STK32B: variants seen among roughly 807,000 people sequenced by gnomAD.
The protein encoded by STK32B is serine/threonine-protein kinase 32B.
STK32B carries 43 observed loss-of-function variants against 52.6 expected under a neutral mutation model. That is an observed-to-expected ratio of 0.82 (90% CI 0.64 to 1.05). The LOEUF (loss-of-function observed/expected upper bound fraction) is 1.05. Among genes scored for constraint, STK32B ranks in the 50% least tolerant of loss-of-function variants. STK32B has a pLI of 0.00. For synonymous variants in STK32B, 238 were observed against 204.3 expected, an observed-to-expected ratio of 1.17 and a Z score of -1.41; for missense variants, 621 against 534.6, an observed-to-expected ratio of 1.16 and a Z score of -1.59.
chr4:5,431,094 G>A (rs980252336), intron 6 of STK32B, among the ~76,000 whole-genome samples: 1 of 152,196 alleles, frequency 6.6e-6, no homozygotes, highest in Non-Finnish European at 1.5e-5. Context: ...ACCACTAATG[G>A]TCTGATCCCA....
intron 4 of STK32B, among the ~76,000 whole-genome samples, chr4:5,349,349 A>C (rs967178682): frequency 2.0e-5 from 3 of 152,182 alleles, no homozygotes; most frequent in African/African-American, 7.2e-5. Context: ...ATACTAAGCC[A>C]CCAAGGAAAC....
intron 4 of STK32B, among the ~76,000 whole-genome samples, chr4:5,332,228 G>C (rs1480547011): frequency 6.6e-6 from 1 of 152,196 alleles, no homozygotes; most frequent in Middle Eastern, 3.2e-3. Context: ...AAGTGATAAA[G>C]TTATGAAGAT....
intron 1 of STK32B, among the ~76,000 whole-genome samples, chr4:5,074,435 T>G (rs1305085931): frequency 3.9e-5 from 6 of 152,088 alleles, no homozygotes; most frequent in African/African-American, 1.4e-4. Flanking sequence ...TGTATTTATT[T>G]TTTTCCTACA....
intron 3 of STK32B, among the ~76,000 whole-genome samples, chr4:5,228,159 CACAT>C (rs1184557801): frequency 6.6e-6 from 1 of 152,120 alleles, no homozygotes; most frequent in African/African-American, 2.4e-5. Flanking sequence ...GCAAGATATT[CACAT>C]AAAAGGTCAT....
At chr4:5,023,772 C>T in the STK32B span, among the ~76,000 whole-genome samples, 1 of 152,178 alleles carries the variant, frequency 6.6e-6, no homozygotes, top group Non-Finnish European at 1.5e-5. Context: ...GTGGCCATTT[C>T]TAAAGCAGAA....
At chr4:5,084,517 A>G (rs1712611231) in intron 1 of STK32B, among the ~76,000 whole-genome samples, 1 of 152,236 alleles carries the variant, frequency 6.6e-6, no homozygotes. Flanking sequence ...TATAATAAAA[A>G]TATTTATGGC....
chr4:5,178,448 C>T (rs975322501), intron 3 of STK32B, among the ~76,000 whole-genome samples: 1 of 152,212 alleles, frequency 6.6e-6, no homozygotes, highest in African/African-American at 2.4e-5. Context: ...AGGTCTCTGA[C>T]ATGTCCTGGA....
At chr4:5,087,517 A>C (rs1712798153) in intron 1 of STK32B, among the ~76,000 whole-genome samples, 1 of 152,054 alleles carries the variant, frequency 6.6e-6, no homozygotes. Flanking sequence ...AGAATGGATA[A>C]AAAACAGCTA....
chr4:5,333,131 A>G (rs1396290067), intron 4 of STK32B, among the ~76,000 whole-genome samples: 1 of 151,782 alleles, frequency 6.6e-6, no homozygotes, highest in Non-Finnish European at 1.5e-5. Flanking sequence ...AAGTGTTCCT[A>G]TTTCTCCACA....
At chr4:5,357,943 A>G (rs1397336727) in intron 4 of STK32B, among the ~76,000 whole-genome samples, 1 of 152,150 alleles carries the variant, frequency 6.6e-6, no homozygotes, top group African/African-American at 2.4e-5. Flanking sequence ...ATCAACTAGA[A>G]AGAAGTATTC....
At chr4:5,036,993 C>T in the STK32B span, among the ~76,000 whole-genome samples, 6 of 152,126 alleles carry the variant, frequency 3.9e-5, no homozygotes, top group African/African-American at 1.4e-4. Context: ...TTGCACACAA[C>T]AGCTCTCTGG....
At chr4:5,406,040 C>T (rs1297250477) in intron 5 of STK32B, among the ~76,000 whole-genome samples, 1 of 152,164 alleles carries the variant, frequency 6.6e-6, no homozygotes, top group Admixed American at 6.5e-5. Flanking sequence ...AAATCAAAAA[C>T]AAGTTAGTTA....
intron 3 of STK32B, among the ~76,000 whole-genome samples, chr4:5,269,144 T>A (rs970445102): frequency 1.3e-5 from 2 of 152,082 alleles, no homozygotes; most frequent in African/African-American, 4.8e-5. Flanking sequence ...TCGAGAGATA[T>A]GAAGAGGGCT....
In STK32B at chr4:5,374,733, C is replaced by G. The variant is rs567092366; in HGVS notation, c.435-23474C>G. On this transcript the variant is annotated intron_variant, in intron 4 of 11. Transcript: ENST00000282908. ...TCTCCTAAAGGTTCCACCTCTTATA[C>G]TATTGCATTGAGGCTCATGTTTCAA... Among the ~76,000 whole-genome samples the G allele has an allele frequency of 3.4e-5, 5 of 147,620 alleles. No individual in the cohort carries two copies. The East Asian group carries it at 1.0e-3, about 30-fold the overall frequency.
intron 3 of STK32B, among the ~76,000 whole-genome samples, chr4:5,184,367 A>G (rs1021944404): frequency 3.9e-5 from 6 of 152,136 alleles, no homozygotes; most frequent in African/African-American, 1.4e-4. Flanking sequence ...TATTGATTAC[A>G]TTTACCTTCT....
At chr4:5,266,723 C>G (rs1175042826) in intron 3 of STK32B, among the ~76,000 whole-genome samples, 1 of 152,134 alleles carries the variant, frequency 6.6e-6, no homozygotes. Flanking sequence ...GGGTGGGGGT[C>G]CTTTCTTTTC....
intron 1 of STK32B, among the ~76,000 whole-genome samples, chr4:5,063,481 T>G (rs1011055930): frequency 5.3e-5 from 8 of 152,110 alleles, no homozygotes; most frequent in Non-Finnish European, 8.8e-5. Flanking sequence ...TAGCTGGGAC[T>G]ACAGGTGCCC....
rs1391174447 is a variant in STK32B at position 5,386,455 on chromosome 4, G to A, written c.435-11752G>A. ...TTGATGGTCCAAGAGCACTGGCCAT[G>A]GAGAAAGATTGATCCAGACCTGAGC... On this transcript the variant is annotated intron_variant, in intron 4 of 11. Transcript: ENST00000282908. This position sits in a 1 kb window ranked among gnomAD's most constrained non-coding sequence, Gnocchi z 4.5. 6.6e-6 allele frequency among the ~76,000 whole-genome samples: 1 copy of A among 152,122 alleles called. No individual in the cohort carries two copies. Among genetic ancestry groups the A allele is most frequent in the East Asian group, 1.9e-4 (1 of 5,168 alleles).
At chr4:5,275,831 G>GAA (rs556334378) in intron 3 of STK32B, among the ~76,000 whole-genome samples, 57 of 152,146 alleles carry the variant, frequency 3.7e-4, no homozygotes, top group African/African-American at 1.3e-3. Context: ...GGAAGAAGGA[G>GAA]AAGGGGGATG....
Sources: allele counts gnomAD v4.1 joint callset (sites outside exome capture counted in the v4.1 genomes callset), GRCh38; gene constraint gnomAD v4.1.1; non-coding constraint Gnocchi (gnomAD v3.1); transcripts MANE v1.5; gene names NCBI Gene and HGNC (gene_info 2026-07-23, HGNC 2026-07-21).